The following EPHA6 variants were observed in gnomAD, a reference collection of about 807,000 sequenced individuals.
EPHA6 encodes the protein EPH receptor A6, also known as ephrin type-A receptor 6.
Under a neutral mutation model 112.0 loss-of-function variants are expected in EPHA6, and 50 were observed. The observed-to-expected ratio is 0.45, with a 90% CI of 0.36 to 0.56. The LOEUF (loss-of-function observed/expected upper bound fraction) is 0.56, where lower values mean the gene tolerates loss of function less well. Ranked by LOEUF, EPHA6 falls within the 20% of genes least tolerant of loss-of-function variation. EPHA6 has a pLI of 0.00. For missense variants in EPHA6, 1,280 were observed against 1,417.4 expected (o/e 0.90, Z 1.56); for synonymous variants, 529 against 490.7 (o/e 1.08, Z -1.03).
chr3:97,551,858 A>G (rs546215217), intron 11 of EPHA6, among the ~76,000 whole-genome samples: 3 of 152,300 alleles, frequency 2.0e-5, no homozygotes, highest in African/African-American at 7.2e-5. Context: ...GGAAATACAA[A>G]GCTACTGGAG....
At chr3:96,873,782 A>G (rs191798528) in intron 2 of EPHA6, among the ~76,000 whole-genome samples, 221 of 152,236 alleles carry the variant, frequency 1.5e-3, no homozygotes, top group African/African-American at 5.0e-3. Flanking sequence ...TTAATTCTGT[A>G]TGTCTTGACT....
At chr3:97,249,496 T>A (rs1251980642) in intron 5 of EPHA6, among the ~76,000 whole-genome samples, 2 of 152,170 alleles carry the variant, frequency 1.3e-5, no homozygotes, top group Non-Finnish European at 1.5e-5. Flanking sequence ...TTTGAGTAAT[T>A]GAATACTATA....
At chr3:97,084,069 T>A (rs1251326124) in intron 3 of EPHA6, among the ~76,000 whole-genome samples, 5 of 8,346 alleles carry the variant, frequency 6.0e-4, no homozygotes, top group Non-Finnish European at 1.0e-3. Context: ...TTTCTTAAAG[T>A]GTGTGTGTGT....
intron 2 of EPHA6, among the ~76,000 whole-genome samples, chr3:96,919,667 C>A (rs984374326): frequency 6.6e-6 from 1 of 151,824 alleles, no homozygotes; most frequent in Non-Finnish European, 1.5e-5. Flanking sequence ...ATATAGAAAT[C>A]TATGCCTTTG....
At chr3:97,159,520 C>T (rs2076365060) in intron 3 of EPHA6, among the ~76,000 whole-genome samples, 1 of 152,060 alleles carries the variant, frequency 6.6e-6, no homozygotes, top group African/African-American at 2.4e-5. Context: ...TATTCCTAGG[C>T]CTGTGAATTA....
chr3:97,115,675 TG>T (rs2047864916), intron 3 of EPHA6, among the ~76,000 whole-genome samples: 1 of 151,748 alleles, frequency 6.6e-6, no homozygotes, highest in Non-Finnish European at 1.5e-5. Flanking sequence ...GAAAAAGAGT[TG>T]GGAATCCATT....
In EPHA6 at chr3:97,639,522, C is replaced by T. The variant is rs534311404; in HGVS notation, c.2784+1440C>T. On this transcript the variant is annotated intron_variant, in intron 14 of 17. Transcript: ENST00000389672. ...ATATTTATAAAAATTGCAACAAATA[C>T]AATCTACTAAAAAATAAAATATGAT... is the stretch of plus-strand genomic sequence containing the variant. Among the ~76,000 whole-genome samples the T allele has an allele frequency of 1.6e-3, 250 of 152,120 alleles. 1 individual carries two copies. Among genetic ancestry groups the T allele is most frequent in the African/African-American group, 5.8e-3 (239 of 41,552 alleles).
intron 6 of EPHA6, among the ~76,000 whole-genome samples, chr3:97,425,118 T>C (rs1034077613): frequency 7.2e-5 from 11 of 152,172 alleles, no homozygotes; most frequent in African/African-American, 2.7e-4. Context: ...GCGTTGAGTG[T>C]GTGTGACTTT....
intron 2 of EPHA6, among the ~76,000 whole-genome samples, chr3:96,883,691 A>G (rs926221735): frequency 5.3e-5 from 8 of 152,014 alleles, no homozygotes; most frequent in African/African-American, 1.7e-4. Flanking sequence ...TTTGAGACAG[A>G]GTCTCACTCT....
chr3:97,115,163 T>C (rs978306416), intron 3 of EPHA6, among the ~76,000 whole-genome samples: 7 of 151,980 alleles, frequency 4.6e-5, no homozygotes, highest in African/African-American at 1.7e-4. Flanking sequence ...TATGTAGGGA[T>C]TTTTGTTTTG....
intron 4 of EPHA6, 28 bp from the exon 5 acceptor site, chr3:97,243,924 C>A (rs1395428758): frequency 2.6e-6 from 4 of 1,518,264 alleles, no homozygotes; most frequent in Non-Finnish European, 3.6e-6. Context: ...TATATATGTA[C>A]ATTTGTTTTT....
intron 14 of EPHA6, among the ~76,000 whole-genome samples, chr3:97,639,503 A>G (rs569790752): frequency 6.6e-6 from 1 of 152,274 alleles, no homozygotes; most frequent in East Asian, 1.9e-4. Flanking sequence ...TGTAATATTT[A>G]TAAAAATTGC....
chr3:96,859,245 G>T (rs1047431954), intron 1 of EPHA6, among the ~76,000 whole-genome samples: 20 of 152,014 alleles, frequency 1.3e-4, no homozygotes, highest in African/African-American at 4.8e-4. Flanking sequence ...ATGGACAAAA[G>T]AATTCTTTAA....
intron 2 of EPHA6, among the ~76,000 whole-genome samples, chr3:96,934,690 A>G (rs2040492859): frequency 6.6e-6 from 1 of 151,388 alleles, no homozygotes; most frequent in African/African-American, 2.4e-5. Flanking sequence ...ATTTTCAAAT[A>G]TTAATGGTTT....
chr3:97,107,850 C>T (rs1195094695), intron 3 of EPHA6, among the ~76,000 whole-genome samples: 1 of 151,938 alleles, frequency 6.6e-6, no homozygotes, highest in Non-Finnish European at 1.5e-5. Context: ...CATTTTATTT[C>T]CTCAAATAGA....
At chr3:97,135,491 T>C (rs539989222) in intron 3 of EPHA6, among the ~76,000 whole-genome samples, 2 of 152,286 alleles carry the variant, frequency 1.3e-5, no homozygotes, top group East Asian at 3.9e-4. Context: ...AAGAATATGT[T>C]GCAAGAAGTC....
chr3:97,646,312 T>C, intron 14 of EPHA6: 1 of 1,508,652 alleles, frequency 6.6e-7, no homozygotes, highest in Non-Finnish European at 8.8e-7. Flanking sequence ...CCTCCAACAG[T>C]GAGTCTTTCA....
chr3:96,897,865 A>G (rs112120093), intron 2 of EPHA6, among the ~76,000 whole-genome samples: 1,580 of 152,278 alleles, frequency 0.01, 26 homozygotes, highest in African/African-American at 0.036. Context: ...GAATTTGGCA[A>G]TTCCTTCCTT....
At chr3:97,028,920 C>G (rs1002106554) in intron 3 of EPHA6, among the ~76,000 whole-genome samples, 1 of 151,710 alleles carries the variant, frequency 6.6e-6, no homozygotes, top group Non-Finnish European at 1.5e-5. Context: ...ACATTCACCT[C>G]AGAGTTAATA....
Sources: gnomAD v4.1 joint callset for allele counts (sites outside exome capture counted in the v4.1 genomes callset) on GRCh38, gnomAD v4.1.1 for gene constraint, MANE v1.5 for transcripts, NCBI Gene and HGNC (gene_info 2026-07-23, HGNC 2026-07-21) for gene names.